The following MAP2K5 variants were observed in gnomAD, a reference collection of about 807,000 sequenced individuals.
MAP2K5 encodes mitogen-activated protein kinase kinase 5.
MAP2K5 carries 49 observed loss-of-function variants against 83.1 expected under a neutral mutation model. That is an observed-to-expected ratio of 0.59 (90% CI 0.47 to 0.75). The LOEUF is 0.75. Ranked by LOEUF, MAP2K5 falls within the 30% of genes least tolerant of loss-of-function variation. The pLI is 0.00. For missense variants in MAP2K5, 457 were observed against 557.5 expected, an observed-to-expected ratio of 0.82 and a Z score of 1.82; for synonymous variants, 202 against 191.8, an observed-to-expected ratio of 1.05 and a Z score of -0.44.
chr15:67,718,409 G>A (rs1341606801), intron 16 of MAP2K5, among the ~76,000 whole-genome samples: 1 of 152,150 alleles, frequency 6.6e-6, no homozygotes, highest in African/African-American at 2.4e-5. Context: ...GGATTCAAAT[G>A]GCTGTTGAAG....
At chr15:67,731,292 G>A (rs1566945294) in intron 17 of MAP2K5, among the ~76,000 whole-genome samples, 3 of 152,168 alleles carry the variant, frequency 2.0e-5, no homozygotes, top group African/African-American at 4.8e-5. Context: ...TGTGTACCCA[G>A]TGAGGTCGCA....
At position 67,769,656 on chromosome 15, in the gene MAP2K5, A is replaced by G. The variant is rs1271109757; in HGVS notation, c.1189A>G (p.Thr397Ala). 3 of 1,613,526 alleles carry G rather than the reference A, an allele frequency of 1.9e-6. No homozygotes were observed. Among genetic ancestry groups the G allele is most frequent in the Non-Finnish European group, 8.5e-7 (1 of 1,179,684 alleles). ...EFSEPFVHFI[T>A]QCMRKQPKER... The stretch of plus-strand genomic sequence containing the variant: ...CTCGGAGCCATTTGTACATTTCATC[A>G]CTCAGTGGTGAGCCCGTTTACAAAC... The change falls in exon 20 of 22, where the codon ACT becomes GCT. Residue 397 changes from threonine to alanine, a missense_variant. Transcript: ENST00000178640. This position sits in a 1 kb window ranked among gnomAD's most constrained non-coding sequence, Gnocchi z 5.2.
At chr15:67,628,239 T>C (rs2086373288) in intron 8 of MAP2K5, 1 of 643,006 alleles carries the variant, frequency 1.6e-6, no homozygotes, top group South Asian at 1.6e-5. Flanking sequence ...CCCAACACTT[T>C]GGGAGGCTGA....
Position 67,677,691 on chromosome 15 carries a change from A to G in MAP2K5, c.847+13046A>G, listed in dbSNP as rs1484936906. Among the ~76,000 whole-genome samples, 1 of 152,224 alleles carries G rather than the reference A, an allele frequency of 6.6e-6. No individual in the cohort carries two copies. The highest frequency in any genetic ancestry group is 1.5e-5 in the Non-Finnish European group (1 of 68,042). The stretch of plus-strand genomic sequence containing the variant: ...CATTCCTCCAGACCTGGCTTTTCCT[A>G]AACACTGACCAGAATATGTACACAT... On this transcript the variant is annotated intron_variant, in intron 13 of 21. Transcript: ENST00000178640. This position sits in a 1 kb window ranked among gnomAD's most constrained non-coding sequence, Gnocchi z 4.2.
chr15:67,629,048 A>G (rs574646073), intron 8 of MAP2K5: 322 of 748,050 alleles, frequency 4.3e-4, no homozygotes, highest in Non-Finnish European at 6.3e-4. Context: ...ATGGTGGTGG[A>G]GGCCAATACT....
intron 12 of MAP2K5, among the ~76,000 whole-genome samples, chr15:67,659,598 C>T (rs2087183953): frequency 6.6e-6 from 1 of 151,970 alleles, no homozygotes; most frequent in African/African-American, 2.4e-5. Context: ...GTACTTAAAT[C>T]ACTATTTTAG....
At chr15:67,730,875 G>A (rs1237274993) in intron 17 of MAP2K5, among the ~76,000 whole-genome samples, 1 of 152,126 alleles carries the variant, frequency 6.6e-6, no homozygotes. Flanking sequence ...TTAGAATTAG[G>A]TGCTACCACA....
rs146995518 is a variant in MAP2K5 at position 67,709,691 on chromosome 15, C to T, written c.1044+6283C>T. On this transcript the variant is annotated intron_variant, in intron 16 of 21. Transcript: ENST00000178640. ...CTCATTTTTTACTAAGTAATTATTC[C>T]ATTTATATTCTTGTGTCATTTGAGT... is the stretch of plus-strand genomic sequence containing the variant. 4.2e-3 allele frequency among the ~76,000 whole-genome samples: 646 copies of T among 152,216 alleles called. 3 individuals are homozygous for T. The highest frequency in any genetic ancestry group is 6.9e-3 in the Non-Finnish European group (467 of 68,020).
In MAP2K5 at chr15:67,724,231, C is replaced by A. The variant is rs1198000304; in HGVS notation, c.1045-3685C>A. On this transcript the variant is annotated intron_variant, in intron 16 of 21. Coordinates refer to ENST00000178640, the MANE Select transcript of MAP2K5 (RefSeq NM_145160.3). The surrounding 1 kb of genome is among the most constrained non-coding windows in gnomAD (Gnocchi z 4.4). ...CTTGACAATAAAAACTAGGGAAATG[C>A]AAGTAGATTAATAGACCAGTAGGGG... Among the ~76,000 whole-genome samples, 2 of 152,086 alleles carry A rather than the reference C, an allele frequency of 1.3e-5. No homozygotes were observed. The highest frequency in any genetic ancestry group is 3.9e-4 in the East Asian group (2 of 5,188).
intron 21 of MAP2K5, among the ~76,000 whole-genome samples, chr15:67,788,460 A>G (rs951063508): frequency 2.0e-5 from 3 of 152,200 alleles, no homozygotes; most frequent in African/African-American, 7.2e-5. Flanking sequence ...TAGATGGGTA[A>G]GAGAGTCACC....
rs2089685985 is a variant in MAP2K5, at chr15:67,750,061, A to G, written c.1134+1460A>G. ...AAATAGATATTTTCATTCCTTATTTAAAGTAACAGTTATTGCTGTTCAATT... is the reference window on the plus strand; with the variant it reads ...AAATAGATATTTTCATTCCTTATTTGAAGTAACAGTTATTGCTGTTCAATT... On this transcript the variant is annotated intron_variant, in intron 19 of 21. Coordinates refer to ENST00000178640, the MANE Select transcript of MAP2K5 (RefSeq NM_145160.3). This position sits in a 1 kb window ranked among gnomAD's most constrained non-coding sequence, Gnocchi z 4.2. 6.6e-6 allele frequency among the ~76,000 whole-genome samples: 1 copy of G among 152,220 alleles called. No homozygotes were observed. Among genetic ancestry groups the G allele is most frequent in the Non-Finnish European group, 1.5e-5 (1 of 68,038 alleles).
At chr15:67,753,380 C>A (rs1388560104) in intron 19 of MAP2K5, among the ~76,000 whole-genome samples, 2 of 152,052 alleles carry the variant, frequency 1.3e-5, no homozygotes, top group Non-Finnish European at 2.9e-5. Context: ...TCAAAGGACA[C>A]TATCAAGACA....
chr15:67,592,964 C>A lies in MAP2K5; in HGVS notation c.470C>A (p.Ala157Asp). 1 of 1,602,870 alleles carries A rather than the reference C, an allele frequency of 6.2e-7. No homozygotes were observed. ...TCTGCTGAACTGAAAAAAATACTAG[C>A]CAATGGCCAGGTAGGTATTATTATA... ...KSSAELKKIL[A>D]NGQMNEQDIR... Residue 157 changes from alanine (A) to aspartate (D), a missense_variant, in exon 7 of 22, where the codon GCC (alanine) becomes GAC (aspartate). Physicochemically the swap from Ala to Asp is moderately radical, Grantham distance 126. This residue lies in a region of MAP2K5 where 234 missense variants were observed against 243.6 expected (regional missense o/e 0.96). Coordinates refer to ENST00000178640, the MANE Select transcript of MAP2K5 (RefSeq NM_145160.3).
At chr15:67,639,607 C>A (rs2086670730) in intron 9 of MAP2K5, among the ~76,000 whole-genome samples, 1 of 152,214 alleles carries the variant, frequency 6.6e-6, no homozygotes, top group Non-Finnish European at 1.5e-5. Context: ...ATCCTGGTCA[C>A]ATTTATTTCC....
At chr15:67,616,870 A>C (rs986733410) in intron 8 of MAP2K5, among the ~76,000 whole-genome samples, 1 of 152,150 alleles carries the variant, frequency 6.6e-6, no homozygotes, top group African/African-American at 2.4e-5. Flanking sequence ...ACCTTTCAAC[A>C]ATTGATAACA....
rs146050016 is a variant in MAP2K5, at chr15:67,567,229, G to A, written c.252+3879G>A. 1.6e-3 allele frequency among the ~76,000 whole-genome samples: 251 copies of A among 152,172 alleles called. 1 individual carries two copies. The highest frequency in any genetic ancestry group is 4.1e-3 in the Admixed American group (63 of 15,288). Reference sequence around the variant, plus strand: ...ATAGCTGCTCTGCATTTTGTTATGAGTTTGTGTTAATCAACAATCTGTTTT... The same window carrying A: ...ATAGCTGCTCTGCATTTTGTTATGAATTTGTGTTAATCAACAATCTGTTTT... On this transcript the variant is annotated intron_variant, in intron 3 of 21. Coordinates refer to ENST00000178640, the MANE Select transcript of MAP2K5 (RefSeq NM_145160.3).
chr15:67,765,095 T>G (rs58112756), intron 19 of MAP2K5, among the ~76,000 whole-genome samples: 16,854 of 152,268 alleles, frequency 0.11, 1,040 homozygotes, highest in South Asian at 0.18. Flanking sequence ...GTGCAGTGGC[T>G]CATGCCTGTA....
intron 11 of MAP2K5, among the ~76,000 whole-genome samples, chr15:67,651,882 G>A (rs1259355537): frequency 6.6e-6 from 1 of 152,164 alleles, no homozygotes; most frequent in Non-Finnish European, 1.5e-5. Flanking sequence ...ACCCAATGGT[G>A]AAATTACTGG....
At chr15:67,592,686 G>A (rs1048339125) in intron 6 of MAP2K5, among the ~76,000 whole-genome samples, 25 of 152,282 alleles carry the variant, frequency 1.6e-4, no homozygotes, top group African/African-American at 5.8e-4. Flanking sequence ...AGATATTGTA[G>A]CTTCATCTTG....
Sources: gnomAD v4.1 joint callset for allele counts (sites outside exome capture counted in the v4.1 genomes callset) on GRCh38, gnomAD v4.1.1 for gene constraint, gnomAD v4.1.1 regional missense constraint, Gnocchi (gnomAD v3.1) non-coding constraint, MANE v1.5 for transcripts, NCBI Gene and HGNC (gene_info 2026-07-23, HGNC 2026-07-21) for gene names.